KIAA1328: variants seen among roughly 807,000 people sequenced by gnomAD.
KIAA1328 encodes the protein protein hinderin.
A neutral mutation model predicts 68.1 loss-of-function variants in KIAA1328; 52 were observed. That is an observed-to-expected ratio of 0.76 (90% CI 0.61 to 0.96). The LOEUF (loss-of-function observed/expected upper bound fraction) is 0.96, where lower values mean the gene tolerates loss of function less well. Ranked by LOEUF, KIAA1328 falls within the 40% of genes least tolerant of loss-of-function variation. The pLI is 0.00. For missense variants in KIAA1328, 641 were observed against 677.6 expected, an observed-to-expected ratio of 0.95 and a Z score of 0.60; for synonymous variants, 232 against 239.4, an observed-to-expected ratio of 0.97 and a Z score of 0.28.
intron 6 of KIAA1328, among the ~76,000 whole-genome samples, chr18:36,964,027 G>A (rs12963071): frequency 0.6 from 90,770 of 152,044 alleles, 28,911 homozygotes; most frequent in East Asian, 0.87. Flanking sequence ...CTCTCCCAGA[G>A]GCAGAATGAA....
intron 3 of KIAA1328, among the ~76,000 whole-genome samples, chr18:36,840,976 C>G (rs2046840548): frequency 6.6e-6 from 1 of 152,096 alleles, no homozygotes; most frequent in African/African-American, 2.4e-5. Context: ...GCACCTGTGA[C>G]AGGAGAGGAA....
chr18:36,882,492 G>C (rs1346022869), intron 4 of KIAA1328, among the ~76,000 whole-genome samples: 2 of 152,058 alleles, frequency 1.3e-5, no homozygotes, highest in Non-Finnish European at 2.9e-5. Flanking sequence ...GTATGCTAAT[G>C]GACCACAAAG....
At chr18:36,868,002 T>G (rs1229129617) in intron 4 of KIAA1328, among the ~76,000 whole-genome samples, 2 of 152,236 alleles carry the variant, frequency 1.3e-5, no homozygotes, top group Admixed American at 1.3e-4. Context: ...AGAAAACAGA[T>G]TAAAGTGCCT....
chr18:36,988,736 G>A (rs2053048181), intron 6 of KIAA1328, among the ~76,000 whole-genome samples: 1 of 152,082 alleles, frequency 6.6e-6, no homozygotes, highest in Non-Finnish European at 1.5e-5. Flanking sequence ...AGAAAAATAG[G>A]TTAATCTTAT....
chr18:36,885,466 T>C (rs2048465076), intron 4 of KIAA1328, 91 bp from the exon 5 acceptor site: 1 of 673,532 alleles, frequency 1.5e-6, no homozygotes, highest in Admixed American at 3.6e-5. Context: ...GGCATACCTT[T>C]GGAAGAAGTC....
intron 5 of KIAA1328, among the ~76,000 whole-genome samples, chr18:36,915,191 A>C (rs2049638873): frequency 6.6e-6 from 1 of 152,226 alleles, no homozygotes; most frequent in African/African-American, 2.4e-5. Flanking sequence ...ACAGATCCAT[A>C]GATTAATGGA....
At chr18:36,897,706 A>G (rs1180739387) in intron 5 of KIAA1328, among the ~76,000 whole-genome samples, 2 of 152,092 alleles carry the variant, frequency 1.3e-5, no homozygotes, top group African/African-American at 4.8e-5. Context: ...ACAGGCTAAA[A>G]CCACAAGGAC....
intron 4 of KIAA1328, among the ~76,000 whole-genome samples, chr18:36,865,245 C>A (rs955844591): frequency 2.0e-5 from 3 of 151,774 alleles, no homozygotes; most frequent in African/African-American, 2.4e-5. Context: ...ATTTTTATTT[C>A]ATTCTTCTTT....
At chr18:37,071,335 A>G (rs1181767269) in intron 7 of KIAA1328, among the ~76,000 whole-genome samples, 1 of 151,840 alleles carries the variant, frequency 6.6e-6, no homozygotes, top group Non-Finnish European at 1.5e-5. Context: ...ATCCTTCCAA[A>G]GTGCTGGGAT....
At chr18:37,111,883 C>T (rs141731197) in intron 7 of KIAA1328, among the ~76,000 whole-genome samples, 1 of 152,218 alleles carries the variant, frequency 6.6e-6, no homozygotes, top group East Asian at 1.9e-4. Flanking sequence ...TATCCCGTGC[C>T]TGGCTCAGAG....
chr18:37,064,469 A>C (rs2056270892), intron 6 of KIAA1328, among the ~76,000 whole-genome samples: 1 of 151,774 alleles, frequency 6.6e-6, no homozygotes, highest in African/African-American at 2.4e-5. Flanking sequence ...ATGTCTGTGG[A>C]GTAGCTAGCT....
At chr18:37,208,624 A>G (rs550954146) in intron 9 of KIAA1328, among the ~76,000 whole-genome samples, 2 of 152,340 alleles carry the variant, frequency 1.3e-5, no homozygotes, top group South Asian at 4.1e-4. Flanking sequence ...CAGACTGGCC[A>G]AAAGAAATGA....
intron 5 of KIAA1328, among the ~76,000 whole-genome samples, chr18:36,949,519 T>C (rs924384701): frequency 1.3e-5 from 2 of 150,400 alleles, no homozygotes; most frequent in Admixed American, 6.7e-5. Flanking sequence ...AGGTAGTTTC[T>C]AAAATCCATA....
intron 6 of KIAA1328, among the ~76,000 whole-genome samples, chr18:36,967,195 A>G (rs977809178): frequency 6.6e-6 from 1 of 152,238 alleles, no homozygotes; most frequent in Non-Finnish European, 1.5e-5. Context: ...AGAGTAAAAG[A>G]TGAAATCAGA....
chr18:36,847,504 T>G (rs945838979), intron 4 of KIAA1328, among the ~76,000 whole-genome samples: 1 of 151,530 alleles, frequency 6.6e-6, no homozygotes, highest in African/African-American at 2.4e-5. Flanking sequence ...CTAATGTGAT[T>G]ATTGGTGTGA....
At chr18:36,974,147 C>T (rs2151333818) in intron 6 of KIAA1328, among the ~76,000 whole-genome samples, 1 of 152,218 alleles carries the variant, frequency 6.6e-6, no homozygotes, top group African/African-American at 2.4e-5. Context: ...AATTCTCCAT[C>T]TCAGAAGAAG....
Position 36,885,691 on chromosome 18 carries a change from T to A in KIAA1328, c.448+19T>A. ...AGGGAAGATATCCTTTTGAAAGTTC[T>A]CTTTTTTAACGTTCAAGAAGTTTGA... is the stretch of plus-strand genomic sequence containing the variant. On this transcript the variant is annotated intron_variant, in intron 5 of 9. Coordinates refer to ENST00000280020, the MANE Select transcript of KIAA1328 (RefSeq NM_020776.3). The A allele has an allele frequency of 7.0e-7, 1 of 1,427,346 alleles. No homozygotes were observed. The highest frequency in any genetic ancestry group is 9.6e-7 in the Non-Finnish European group (1 of 1,044,402). 88.4% of individuals were successfully genotyped at this position (1,427,346 alleles called of 1,614,324 possible). A position where few individuals can be genotyped will look rare whatever the true frequency, so the allele number is the denominator to read the frequency against.
At chr18:37,211,002 C>T (rs1447761670) in intron 9 of KIAA1328, among the ~76,000 whole-genome samples, 1 of 152,004 alleles carries the variant, frequency 6.6e-6, no homozygotes. Flanking sequence ...GAATGTGGCT[C>T]CTAGAGAGAG....
chr18:37,147,871 ACAT>A (rs1365611284), intron 7 of KIAA1328, among the ~76,000 whole-genome samples: 3 of 152,184 alleles, frequency 2.0e-5, no homozygotes, highest in African/African-American at 7.2e-5. Context: ...TATTGTGCAG[ACAT>A]CATAGAGTAT....
Sources: allele counts gnomAD v4.1 joint callset (sites outside exome capture counted in the v4.1 genomes callset), GRCh38; gene constraint gnomAD v4.1.1; transcripts MANE v1.5; gene names NCBI Gene and HGNC (gene_info 2026-07-23, HGNC 2026-07-21).